Variants in GATB observed in about 807,000 individuals in gnomAD.
The protein encoded by GATB is glutamyl-tRNA(Gln) amidotransferase subunit B, mitochondrial.
GATB carries 39 observed loss-of-function variants against 62.3 expected under a neutral mutation model. The ratio of observed to expected loss-of-function variants is 0.63; its 90% CI spans 0.48 to 0.82. The LOEUF (loss-of-function observed/expected upper bound fraction) is 0.82. Ranked by LOEUF, GATB falls within the 40% of genes least tolerant of loss-of-function variation. GATB has a pLI of 0.00. For missense variants in GATB, 670 were observed against 684.0 expected, an observed-to-expected ratio of 0.98 and a Z score of 0.23; for synonymous variants, 276 against 258.9, an observed-to-expected ratio of 1.07 and a Z score of -0.63.
intron 3 of GATB, among the ~76,000 whole-genome samples, chr4:151,717,918 C>A (rs1010118076): frequency 6.6e-6 from 1 of 152,144 alleles, no homozygotes; most frequent in East Asian, 1.9e-4. Flanking sequence ...AGGAACAAGG[C>A]GTGGAGGGAT....
chr4:151,703,854 T>C lies in GATB; in HGVS notation c.1004A>G (p.Tyr335Cys). The part of the protein sequence containing the change: ...SMRDKEGKQD[Y>C]RFMPEPNLPP... Reference sequence around the variant, plus strand: ...TTTTGCCATAAGGAGTAACCACCTGTAGTCCTGTTTTCCTTCTTTGTCTCT... The same window carrying C: ...TTTTGCCATAAGGAGTAACCACCTGCAGTCCTGTTTTCCTTCTTTGTCTCT... Residue 335 changes from tyrosine (Y) to cysteine (C), a missense_variant, in exon 8 of 13, where the codon TAC becomes TGC. Physicochemically the swap from Tyr to Cys is radical, Grantham distance 194. Coordinates refer to ENST00000263985, the MANE Select transcript of GATB (RefSeq NM_004564.3). The C allele has an allele frequency of 4.4e-6, 7 of 1,596,384 alleles. No individual in the cohort carries two copies. Among genetic ancestry groups the C allele is most frequent in the Non-Finnish European group, 6.0e-6 (7 of 1,163,854 alleles).
intron 11 of GATB, among the ~76,000 whole-genome samples, chr4:151,679,045 G>A (rs541931862): frequency 7.2e-5 from 11 of 152,208 alleles, no homozygotes; most frequent in Middle Eastern, 3.4e-3. Context: ...ACAGGTGCCC[G>A]CTGCCACACT....
In GATB at chr4:151,753,251, T is replaced by C. The variant is rs148531301; in HGVS notation, c.327+5521A>G. 9.9e-5 allele frequency among the ~76,000 whole-genome samples: 15 copies of C among 152,242 alleles called. No homozygotes were observed. In the East Asian group the frequency reaches 2.7e-3, roughly 27 times the overall value. On this transcript the variant is annotated intron_variant, in intron 2 of 12. Coordinates refer to ENST00000263985, the MANE Select transcript of GATB (RefSeq NM_004564.3). Reference sequence around the variant, plus strand: ...GGTAGGGCAGCTGCAGAGGGTCAGGTAGAGAAGCTCAGATCTCACTGCACT... The same window carrying C: ...GGTAGGGCAGCTGCAGAGGGTCAGGCAGAGAAGCTCAGATCTCACTGCACT...
In GATB at chr4:151,730,159, T is replaced by C. The variant is rs2126985364; in HGVS notation, c.328-10621A>G. Among the ~76,000 whole-genome samples the C allele has an allele frequency of 6.6e-6, 1 of 152,210 alleles. No homozygotes were observed. The highest frequency in any genetic ancestry group is 1.9e-4 in the East Asian group (1 of 5,182). ...AGGCCTGTGACTGCCAGCTTTCCCCTTCTTCCCTGACAACCCGCATGACTC... is the reference window on the plus strand; with the variant it reads ...AGGCCTGTGACTGCCAGCTTTCCCCCTCTTCCCTGACAACCCGCATGACTC... On this transcript the variant is annotated intron_variant, in intron 2 of 12. Coordinates refer to ENST00000263985, the MANE Select transcript of GATB (RefSeq NM_004564.3). The surrounding 1 kb of genome is among the most constrained non-coding windows in gnomAD (Gnocchi z 4.1).
Position 151,701,321 on chromosome 4 carries a change from A to G in GATB, c.1197+8T>C, listed in dbSNP as rs1738597452. 6.5e-7 allele frequency: 1 copy of G among 1,528,346 alleles called. No homozygotes were observed. The highest frequency in any genetic ancestry group is 1.3e-5 in the South Asian group (1 of 76,050). 94.7% of individuals were successfully genotyped at this position (1,528,346 alleles called of 1,614,324 possible). ...CCGGGATCCTCTTGGCATCCGATCG[A>G]TACCTACCAGCAAAGTGAAGCTGTG... On this transcript the variant is annotated splice_region_variant and intron_variant, in intron 9 of 12. Coordinates refer to ENST00000263985, the MANE Select transcript of GATB (RefSeq NM_004564.3).
In GATB at chr4:151,671,081, C is replaced by G; in HGVS notation, c.*93G>C. The G allele has an allele frequency of 7.1e-7, 1 of 1,415,200 alleles. No individual in the cohort carries two copies. The highest frequency in any genetic ancestry group is 9.9e-7 in the Non-Finnish European group (1 of 1,014,368). The allele number at this position is 1,415,200 out of a possible 1,614,324, so 87.7% of individuals were successfully genotyped here. On this transcript the variant is annotated 3_prime_UTR_variant, in exon 13 of 13. Transcript: ENST00000263985. ...GGGACAGGGATTGAGAGGCAGCTCT[C>G]AGGGCACATGGGCATCAGCTTTCAC...
intron 6 of GATB, among the ~76,000 whole-genome samples, chr4:151,706,629 C>G (rs994430761): frequency 6.6e-6 from 1 of 151,600 alleles, no homozygotes; most frequent in African/African-American, 2.4e-5. Flanking sequence ...ATAAGCTATC[C>G]GTTTGACCAC....
At chr4:151,679,322 G>A (rs745901841) in intron 11 of GATB, among the ~76,000 whole-genome samples, 4 of 152,150 alleles carry the variant, frequency 2.6e-5, no homozygotes, top group Non-Finnish European at 4.4e-5. Context: ...TTCACACACC[G>A]GGCATGTCTG....
At chr4:151,690,806 T>C (rs1001381753) in intron 9 of GATB, among the ~76,000 whole-genome samples, 12 of 152,196 alleles carry the variant, frequency 7.9e-5, no homozygotes, top group African/African-American at 2.4e-4. Flanking sequence ...TGTACTTCAC[T>C]AGGGGATACA....
chr4:151,729,544 C>A (rs1395977568), intron 2 of GATB, among the ~76,000 whole-genome samples: 5 of 151,966 alleles, frequency 3.3e-5, no homozygotes, highest in Admixed American at 3.3e-4. Context: ...CATTTTTATT[C>A]TTAGGAGATA....
rs1390964893 is a variant in GATB, at chr4:151,730,149, A to G, written c.328-10611T>C. ...GAGCTGGGTGAGGCCTGTGACTGCCAGCTTTCCCCTTCTTCCCTGACAACC... is the reference window on the plus strand; with the variant it reads ...GAGCTGGGTGAGGCCTGTGACTGCCGGCTTTCCCCTTCTTCCCTGACAACC... On this transcript the variant is annotated intron_variant, in intron 2 of 12. Coordinates refer to ENST00000263985, the MANE Select transcript of GATB (RefSeq NM_004564.3). The surrounding 1 kb of genome is among the most constrained non-coding windows in gnomAD (Gnocchi z 4.1). Among the ~76,000 whole-genome samples, 30 of 152,106 alleles carry G rather than the reference A, an allele frequency of 2.0e-4. No individual in the cohort carries two copies. The highest frequency in any genetic ancestry group is 2.0e-3 in the Admixed American group (30 of 15,278).
At chr4:151,686,792 C>G (rs1738259099) in intron 10 of GATB, 1 of 152,250 alleles carries the variant, frequency 6.6e-6, no homozygotes, top group Non-Finnish European at 1.5e-5. Flanking sequence ...CACGCTGCAC[C>G]CTCCCTGAAA....
At chr4:151,751,317 A>G (rs535877474) in intron 2 of GATB, among the ~76,000 whole-genome samples, 1 of 152,342 alleles carries the variant, frequency 6.6e-6, no homozygotes, top group South Asian at 2.1e-4. Context: ...ATAAAAATAA[A>G]TCTTGTTTTT....
chr4:151,704,750 G>A (rs1319296548), intron 7 of GATB, among the ~76,000 whole-genome samples: 1 of 136,740 alleles, frequency 7.3e-6, no homozygotes, highest in African/African-American at 2.8e-5. Context: ...ACGGCGCCTG[G>A]CCTTCTTTTT....
In GATB at chr4:151,736,745, G is replaced by A. The variant is rs187623823; in HGVS notation, c.328-17207C>T. On this transcript the variant is annotated intron_variant, in intron 2 of 12. Coordinates refer to ENST00000263985, the MANE Select transcript of GATB (RefSeq NM_004564.3). ...TTCCCACATGTTGTGGGAGGGACCC[G>A]GTGGGAGGTAATTGAATCATGGGGG... Among the ~76,000 whole-genome samples, 104 of 152,186 alleles carry A rather than the reference G, an allele frequency of 6.8e-4. 1 individual carries two copies. The highest frequency in any genetic ancestry group is 2.4e-3 in the African/African-American group (101 of 41,472).
In GATB at chr4:151,670,980, C is replaced by A. The variant is rs1023192034; in HGVS notation, c.*194G>T. On this transcript the variant is annotated 3_prime_UTR_variant, in exon 13 of 13. Transcript: ENST00000263985. ...TGAAGCAGGCGGGGTGGCTGCTGGTCGGCTGTGGAGGCACCTCCAGGCACA... is the reference window on the plus strand; with the variant it reads ...TGAAGCAGGCGGGGTGGCTGCTGGTAGGCTGTGGAGGCACCTCCAGGCACA... 31 of 605,400 alleles carry A rather than the reference C, an allele frequency of 5.1e-5. No homozygotes were observed. 37.5% of individuals were successfully genotyped at this position (605,400 alleles called of 1,614,324 possible).
chr4:151,688,404 C>T (rs80257651), intron 10 of GATB, among the ~76,000 whole-genome samples: 1 of 152,190 alleles, frequency 6.6e-6, no homozygotes, highest in African/African-American at 2.4e-5. Flanking sequence ...CAGCCTCTGA[C>T]ACAGTGCAGA....
chr4:151,715,386 A>T (rs1255494377), intron 5 of GATB, among the ~76,000 whole-genome samples: 6 of 152,228 alleles, frequency 3.9e-5, no homozygotes, highest in Non-Finnish European at 8.8e-5. Context: ...TAGAGCCATG[A>T]GGAAATTGAG....
chr4:151,699,795 C>CAT lies in GATB; in HGVS notation c.1197+1533_1197+1534insAT, dbSNP rs549983746. 1.7e-3 allele frequency among the ~76,000 whole-genome samples: 254 copies of CAT among 152,158 alleles called. 1 individual carries two copies. Among genetic ancestry groups the CAT allele is most frequent in the African/African-American group, 5.9e-3 (245 of 41,490 alleles). On this transcript the variant is annotated intron_variant, in intron 9 of 12. Transcript: ENST00000263985. The stretch of plus-strand genomic sequence containing the variant: ...CAGCTAATACACACACACACACACA[C>CAT]AAATTAATGTTATATATAGTCAATT...
Sources: gnomAD v4.1 joint callset for allele counts (sites outside exome capture counted in the v4.1 genomes callset) on GRCh38, gnomAD v4.1.1 for gene constraint, Gnocchi (gnomAD v3.1) non-coding constraint, MANE v1.5 for transcripts, NCBI Gene and HGNC (gene_info 2026-07-23, HGNC 2026-07-21) for gene names.